Variants in ZNF385B observed in about 807,000 individuals in gnomAD.
ZNF385B encodes zinc finger protein 533.
A neutral mutation model predicts 39.2 loss-of-function variants in ZNF385B; 23 were observed. The observed-to-expected ratio is 0.59, with a 90% CI of 0.42 to 0.83. The LOEUF (loss-of-function observed/expected upper bound fraction) is 0.83. Among genes scored for constraint, ZNF385B ranks in the 40% least tolerant of loss-of-function variants. The pLI is 0.00. For synonymous variants in ZNF385B, 205 were observed against 222.6 expected (o/e 0.92, Z 0.70); for missense variants, 552 against 598.9 (o/e 0.92, Z 0.82).
intron 3 of ZNF385B, among the ~76,000 whole-genome samples, chr2:179,560,460 C>T (rs2061256026): frequency 6.6e-6 from 1 of 152,098 alleles, no homozygotes; most frequent in Non-Finnish European, 1.5e-5. Flanking sequence ...AGCATGTTTC[C>T]AGCTAAAAGA....
Position 179,480,479 on chromosome 2 carries a change from T to A in ZNF385B, c.715+2793A>T, listed in dbSNP as rs181492500. On this transcript the variant is annotated intron_variant, in intron 6 of 9. Coordinates refer to ENST00000410066, the MANE Select transcript of ZNF385B (RefSeq NM_152520.6). ...AAAGCCAGATATCAACAAAAATCTA[T>A]GACTCTGACAAAGCTGTGGGAGCTT... Among the ~76,000 whole-genome samples, 15 of 152,340 alleles carry A rather than the reference T, an allele frequency of 9.8e-5. No homozygotes were observed. In the East Asian group the frequency reaches 2.9e-3, roughly 29 times the overall value.
At chr2:179,833,059 T>A (rs1708065469) in intron 1 of ZNF385B, among the ~76,000 whole-genome samples, 1 of 152,180 alleles carries the variant, frequency 6.6e-6, no homozygotes, top group Non-Finnish European at 1.5e-5. Flanking sequence ...AGAGACAAAG[T>A]ATCCAGAGAA....
At position 179,462,426 on chromosome 2, in the gene ZNF385B, T is replaced by G. The variant is rs80125296; in HGVS notation, c.716-15656A>C. ...GGAAAAACCACACTGCAAACCTGTATGTATGTAAACTGGTGTGCTGCAGGA... is the reference window on the plus strand; with the variant it reads ...GGAAAAACCACACTGCAAACCTGTAGGTATGTAAACTGGTGTGCTGCAGGA... On this transcript the variant is annotated intron_variant, in intron 6 of 9. Coordinates refer to ENST00000410066, the MANE Select transcript of ZNF385B (RefSeq NM_152520.6). Among the ~76,000 whole-genome samples, 57 of 152,326 alleles carry G rather than the reference T, an allele frequency of 3.7e-4. 2 individuals are homozygous for G. The East Asian group carries it at 9.8e-3, about 26-fold the overall frequency.
At chr2:179,580,156 A>G (rs569523310) in intron 3 of ZNF385B, among the ~76,000 whole-genome samples, 3 of 152,316 alleles carry the variant, frequency 2.0e-5, no homozygotes, top group East Asian at 3.9e-4. Flanking sequence ...CCAAATTACC[A>G]TGAGGATTAA....
At chr2:179,730,037 A>G (rs925330583) in intron 3 of ZNF385B, among the ~76,000 whole-genome samples, 3 of 152,202 alleles carry the variant, frequency 2.0e-5, no homozygotes, top group Admixed American at 6.5e-5. Context: ...CTAATACACC[A>G]TAGTATCCCC....
intron 3 of ZNF385B, among the ~76,000 whole-genome samples, chr2:179,675,053 T>C (rs1257409156): frequency 1.3e-5 from 2 of 152,210 alleles, no homozygotes; most frequent in Admixed American, 6.5e-5. Flanking sequence ...AATTCACAAG[T>C]AACTTCAACT....
intron 6 of ZNF385B, among the ~76,000 whole-genome samples, chr2:179,460,597 C>T (rs547171888): frequency 6.6e-6 from 1 of 152,254 alleles, no homozygotes; most frequent in African/African-American, 2.4e-5. Flanking sequence ...GTGACTTTCC[C>T]AATCTTTCTT....
chr2:179,786,307 A>T lies in ZNF385B; in HGVS notation c.-154-15635T>A, dbSNP rs558322686. ...TGGAATCCAACCCATGATATATCTGAGGTATTGCTGTATTTTTAGAGTATA... is the reference window on the plus strand; with the variant it reads ...TGGAATCCAACCCATGATATATCTGTGGTATTGCTGTATTTTTAGAGTATA... On this transcript the variant is annotated intron_variant, in intron 1 of 9. Transcript: ENST00000410066. 8.8e-4 allele frequency among the ~76,000 whole-genome samples: 134 copies of T among 152,200 alleles called. 1 individual carries two copies. The highest frequency in any genetic ancestry group is 1.5e-3 in the Non-Finnish European group (99 of 68,000).
At chr2:179,560,397 A>G (rs1447523911) in intron 3 of ZNF385B, among the ~76,000 whole-genome samples, 1 of 152,214 alleles carries the variant, frequency 6.6e-6, no homozygotes, top group Non-Finnish European at 1.5e-5. Context: ...CACCAAAGGA[A>G]AGTAAACAAT....
At chr2:179,498,090 C>T (rs2056410198) in intron 5 of ZNF385B, among the ~76,000 whole-genome samples, 1 of 151,994 alleles carries the variant, frequency 6.6e-6, no homozygotes, top group Non-Finnish European at 1.5e-5. Flanking sequence ...AAGAGAGAGG[C>T]CCCAATACAA....
At chr2:179,690,196 T>C (rs1015194479) in intron 3 of ZNF385B, among the ~76,000 whole-genome samples, 1 of 152,126 alleles carries the variant, frequency 6.6e-6, no homozygotes. Flanking sequence ...TGTGTCGCCT[T>C]CCTAGAGATG....
intron 3 of ZNF385B, among the ~76,000 whole-genome samples, chr2:179,705,299 C>G (rs1166813124): frequency 6.6e-6 from 1 of 152,184 alleles, no homozygotes; most frequent in Non-Finnish European, 1.5e-5. Flanking sequence ...AGTTCTCACT[C>G]TGTCTGTAAA....
At chr2:179,753,771 C>T (rs1278553088) in intron 3 of ZNF385B, among the ~76,000 whole-genome samples, 2 of 152,258 alleles carry the variant, frequency 1.3e-5, no homozygotes, top group East Asian at 1.9e-4. Flanking sequence ...GCGATTTTTG[C>T]ACATTGATTT....
chr2:179,520,929 A>C (rs986323213), intron 4 of ZNF385B, among the ~76,000 whole-genome samples: 3 of 152,206 alleles, frequency 2.0e-5, no homozygotes, highest in African/African-American at 7.2e-5. Flanking sequence ...CTTTCAAAAA[A>C]TACATTGAAA....
Position 179,718,970 on chromosome 2 carries a change from G to A in ZNF385B, c.298+50533C>T, listed in dbSNP as rs35420001. On this transcript the variant is annotated intron_variant, in intron 3 of 9. Coordinates refer to ENST00000410066, the MANE Select transcript of ZNF385B (RefSeq NM_152520.6). ...AAACTCTGTGTGTGTGTGTGTGTGT[G>A]TATATATATTTTTTTTTTCTATAAT... Among the ~76,000 whole-genome samples the A allele has an allele frequency of 2.5e-3, 305 of 120,850 alleles. 1 individual carries two copies. The highest frequency in any genetic ancestry group is 7.4e-3 in the African/African-American group (256 of 34,612). The allele number at this position is 120,850 out of a possible 152,430, so 79.3% of individuals were successfully genotyped here. A position where few individuals can be genotyped will look rare whatever the true frequency, so the allele number is the denominator to read the frequency against.
chr2:179,839,234 T>C (rs953052901), intron 1 of ZNF385B, among the ~76,000 whole-genome samples: 1 of 152,166 alleles, frequency 6.6e-6, no homozygotes, highest in South Asian at 2.1e-4. Context: ...CATTACATGA[T>C]TCCTGGGTCT....
chr2:179,493,691 A>ATGCATATACG (rs1559336744), intron 5 of ZNF385B, among the ~76,000 whole-genome samples: 2 of 112,096 alleles, frequency 1.8e-5, no homozygotes, highest in African/African-American at 6.4e-5. Flanking sequence ...ATATACACAT[A>ATGCATATACG]TATACATATA....
intron 3 of ZNF385B, among the ~76,000 whole-genome samples, chr2:179,638,863 T>C (rs1395666027): frequency 6.6e-6 from 1 of 152,106 alleles, no homozygotes; most frequent in Admixed American, 6.6e-5. Context: ...CTGCTGATGA[T>C]CACATCTGGC....
At chr2:179,833,803 A>C (rs1708105610) in intron 1 of ZNF385B, among the ~76,000 whole-genome samples, 1 of 152,168 alleles carries the variant, frequency 6.6e-6, no homozygotes, top group Non-Finnish European at 1.5e-5. Context: ...CCAATAAATA[A>C]CATAACTGTA....
Sources: allele counts gnomAD v4.1 joint callset (sites outside exome capture counted in the v4.1 genomes callset), GRCh38; gene constraint gnomAD v4.1.1; transcripts MANE v1.5; gene names NCBI Gene and HGNC (gene_info 2026-07-23, HGNC 2026-07-21).